GPATCH2: variants seen among roughly 807,000 people sequenced by gnomAD.
GPATCH2 encodes the protein G-patch domain containing 2, also known as G patch domain-containing protein 2.
GPATCH2 carries 51 observed loss-of-function variants against 58.0 expected under a neutral mutation model. The ratio of observed to expected loss-of-function variants is 0.88; its 90% CI spans 0.70 to 1.11. The LOEUF is 1.11. Among genes scored for constraint, GPATCH2 ranks in the 50% most tolerant of loss-of-function variants. The pLI is 0.00. For missense variants in GPATCH2, 625 were observed against 652.2 expected (o/e 0.96, Z 0.45); for synonymous variants, 222 against 218.5 (o/e 1.02, Z -0.14).
chr1:217,619,649 C>T (rs758139188), intron 2 of GPATCH2, 134 bp downstream of exon 2: 4 of 416,314 alleles, frequency 9.6e-6, no homozygotes, highest in Non-Finnish European at 1.6e-5. Flanking sequence ...GAAATATAAC[C>T]ATAGCTAAAC....
rs141298139 is a variant in GPATCH2, at chr1:217,494,814, C to A, written c.1207-3064G>T. Among the ~76,000 whole-genome samples, 7 of 151,952 alleles carry A rather than the reference C, an allele frequency of 4.6e-5. No individual in the cohort carries two copies. The East Asian group carries it at 1.2e-3, about 25-fold the overall frequency. On this transcript the variant is annotated intron_variant, in intron 7 of 9. Coordinates refer to ENST00000366935, the MANE Select transcript of GPATCH2 (RefSeq NM_018040.5). ...TATGAATTCAAAACAAACAAGAATC[C>A]TTGATCCCTGCTCTAATAAGCAAGA...
At chr1:217,484,959 G>A (rs1384454381) in intron 8 of GPATCH2, among the ~76,000 whole-genome samples, 3 of 152,200 alleles carry the variant, frequency 2.0e-5, no homozygotes, top group South Asian at 2.1e-4. Context: ...TGTTATCCAT[G>A]TGGGTTAAGT....
At position 217,559,496 on chromosome 1, in the gene GPATCH2, T is replaced by A. The variant is rs193066355; in HGVS notation, c.1099-44607A>T. Among the ~76,000 whole-genome samples the A allele has an allele frequency of 2.7e-3, 411 of 152,298 alleles. 1 individual carries two copies. Among genetic ancestry groups the A allele is most frequent in the Middle Eastern group, 0.01 (3 of 294 alleles). On this transcript the variant is annotated intron_variant, in intron 5 of 9. Coordinates refer to ENST00000366935, the MANE Select transcript of GPATCH2 (RefSeq NM_018040.5). ...GTCCTATTTCTCACTATCACCCACC[T>A]TGCCCTCTTCTCTCCATGCTTAACA...
rs1331056799 is a variant in GPATCH2 at position 217,429,714 on chromosome 1, G to C, written c.*1431C>G. 1 of 151,396 alleles carries C rather than the reference G, an allele frequency of 6.6e-6. No individual in the cohort carries two copies. Among genetic ancestry groups the C allele is most frequent in the African/African-American group, 2.4e-5 (1 of 41,098 alleles). The allele number at this position is 151,396 out of a possible 1,614,324, so 9.4% of individuals were successfully genotyped here. A position where few individuals can be genotyped will look rare whatever the true frequency, so the allele number is the denominator to read the frequency against. ...ATGGTCGTGGGTGCCTGTAATCCCTGCTATTTGGGAGGCTGAGGCAGAACA... is the reference window on the plus strand; with the variant it reads ...ATGGTCGTGGGTGCCTGTAATCCCTCCTATTTGGGAGGCTGAGGCAGAACA... On this transcript the variant is annotated 3_prime_UTR_variant, in exon 10 of 10. Coordinates refer to ENST00000366935, the MANE Select transcript of GPATCH2 (RefSeq NM_018040.5).
At chr1:217,597,906 G>T (rs982453512) in intron 5 of GPATCH2, among the ~76,000 whole-genome samples, 3 of 152,186 alleles carry the variant, frequency 2.0e-5, no homozygotes, top group African/African-American at 7.2e-5. Flanking sequence ...CCCTGCATCT[G>T]CACACTAGGC....
chr1:217,432,105 A>G (rs939900690), intron 9 of GPATCH2, among the ~76,000 whole-genome samples: 2 of 151,920 alleles, frequency 1.3e-5, no homozygotes, highest in African/African-American at 2.4e-5. Flanking sequence ...ATAGACCACA[A>G]TTCCCTTCAT....
chr1:217,602,348 T>C (rs1305444060), intron 5 of GPATCH2, among the ~76,000 whole-genome samples: 1 of 152,170 alleles, frequency 6.6e-6, no homozygotes, highest in Non-Finnish European at 1.5e-5. Flanking sequence ...AACTTAATCC[T>C]TGACCATGCC....
chr1:217,494,249 C>T (rs1661895542), intron 7 of GPATCH2, among the ~76,000 whole-genome samples: 1 of 152,138 alleles, frequency 6.6e-6, no homozygotes. Flanking sequence ...GTATAAAACC[C>T]ATCACAAACT....
intron 5 of GPATCH2, among the ~76,000 whole-genome samples, chr1:217,524,099 A>G (rs1416635315): frequency 2.7e-5 from 4 of 146,768 alleles, no homozygotes; most frequent in South Asian, 2.2e-4. Context: ...CCTCCCTCCC[A>G]GACGGGGTGG....
rs1658490710 is a variant in GPATCH2, at chr1:217,430,682, T to C, written c.*463A>G. Reference sequence around the variant, plus strand: ...AATTGACAAGCCTTTCAAACAAAGATGTGTTCGGACTTCACTGATGCGATG... The same window carrying C: ...AATTGACAAGCCTTTCAAACAAAGACGTGTTCGGACTTCACTGATGCGATG... On this transcript the variant is annotated 3_prime_UTR_variant, in exon 10 of 10. Transcript: ENST00000366935. The C allele has an allele frequency of 6.4e-6, 1 of 157,356 alleles. No homozygotes were observed. The highest frequency in any genetic ancestry group is 2.4e-5 in the African/African-American group (1 of 41,604). 9.7% of individuals were successfully genotyped at this position (157,356 alleles called of 1,614,324 possible). A position where few individuals can be genotyped will look rare whatever the true frequency, so the allele number is the denominator to read the frequency against.
intron 8 of GPATCH2, among the ~76,000 whole-genome samples, chr1:217,453,054 CTT>C (rs1047234192): frequency 1.3e-5 from 2 of 152,158 alleles, no homozygotes; most frequent in Non-Finnish European, 2.9e-5. Flanking sequence ...AGTTGTCACT[CTT>C]CATGTAAACA....
intron 2 of GPATCH2, among the ~76,000 whole-genome samples, 170 bp from the exon 3 acceptor site, chr1:217,614,372 A>T (rs1668782176): frequency 6.6e-6 from 1 of 152,034 alleles, no homozygotes; most frequent in African/African-American, 2.4e-5. Flanking sequence ...GGTTCCATTC[A>T]CTACAGAGCA....
chr1:217,580,695 C>A (rs941096072), intron 5 of GPATCH2, among the ~76,000 whole-genome samples: 1 of 152,122 alleles, frequency 6.6e-6, no homozygotes, highest in Non-Finnish European at 1.5e-5. Context: ...AAGAGTGGGT[C>A]CCAGGCCAGC....
chr1:217,567,190 G>GCATGCGC (rs909648315), intron 5 of GPATCH2, among the ~76,000 whole-genome samples: 7 of 152,170 alleles, frequency 4.6e-5, no homozygotes, highest in African/African-American at 1.7e-4. Context: ...GGGATTACAG[G>GCATGCGC]CATGCGCCAC....
chr1:217,537,153 T>C (rs1431928569), intron 5 of GPATCH2, among the ~76,000 whole-genome samples: 1 of 152,202 alleles, frequency 6.6e-6, no homozygotes, highest in Non-Finnish European at 1.5e-5. Context: ...TTCATACAGA[T>C]TAGAAATCAA....
chr1:217,515,718 T>TA (rs963021175), intron 5 of GPATCH2, among the ~76,000 whole-genome samples: 12 of 139,098 alleles, frequency 8.6e-5, no homozygotes, highest in African/African-American at 1.4e-4. Flanking sequence ...AAAATAATAC[T>TA]AAAAAAAAAT....
intron 9 of GPATCH2, among the ~76,000 whole-genome samples, chr1:217,437,099 G>A (rs1238682378): frequency 6.6e-6 from 1 of 152,120 alleles, no homozygotes; most frequent in African/African-American, 2.4e-5. Flanking sequence ...AAGCAGGGTG[G>A]GGCGGTGCCT....
intron 9 of GPATCH2, among the ~76,000 whole-genome samples, chr1:217,438,262 C>T (rs1245633879): frequency 1.3e-5 from 2 of 152,054 alleles, no homozygotes; most frequent in South Asian, 2.1e-4. Flanking sequence ...TAGATAAATC[C>T]ACGAAGATGA....
rs1658386581 is a variant in GPATCH2, at chr1:217,427,742, C to T, written c.*3403G>A. 1 of 152,002 alleles carries T rather than the reference C, an allele frequency of 6.6e-6. No individual in the cohort carries two copies. Among genetic ancestry groups the T allele is most frequent in the East Asian group, 1.9e-4 (1 of 5,202 alleles). 9.4% of individuals were successfully genotyped at this position (152,002 alleles called of 1,614,324 possible). A position where few individuals can be genotyped will look rare whatever the true frequency, so the allele number is the denominator to read the frequency against. On this transcript the variant is annotated 3_prime_UTR_variant, in exon 10 of 10. Transcript: ENST00000366935. ...TTTTTTCTCTTTTCGGAAATATCTG[C>T]TCAAAATAAAGTGTACTGAATAGAA...
Sources: allele counts gnomAD v4.1 joint callset (sites outside exome capture counted in the v4.1 genomes callset), GRCh38; gene constraint gnomAD v4.1.1; transcripts MANE v1.5; gene names NCBI Gene and HGNC (gene_info 2026-07-23, HGNC 2026-07-21).